TTC5: variants seen among roughly 807,000 people sequenced by gnomAD.
TTC5 encodes the protein tetratricopeptide repeat domain 5, also known as tetratricopeptide repeat protein 5.
Under a neutral mutation model 57.4 loss-of-function variants are expected in TTC5, and 46 were observed. The ratio of observed to expected loss-of-function variants is 0.80; its 90% CI spans 0.63 to 1.03. TTC5 has a LOEUF of 1.03. Among genes scored for constraint, TTC5 ranks in the 50% least tolerant of loss-of-function variants. TTC5 has a pLI of 0.00. For synonymous variants in TTC5, 190 were observed against 203.5 expected, an observed-to-expected ratio of 0.93 and a Z score of 0.57; for missense variants, 504 against 528.1, an observed-to-expected ratio of 0.95 and a Z score of 0.45.
At chr14:20,296,824 C>A (rs1219250889) in intron 5 of TTC5, among the ~76,000 whole-genome samples, 1 of 152,076 alleles carries the variant, frequency 6.6e-6, no homozygotes, top group Non-Finnish European at 1.5e-5. Flanking sequence ...ACCAGACTGG[C>A]CAACCTGGTG....
At chr14:20,297,171 C>A (rs369901644) in intron 5 of TTC5, among the ~76,000 whole-genome samples, 4 of 152,176 alleles carry the variant, frequency 2.6e-5, no homozygotes, top group East Asian at 1.9e-4. Context: ...CATGCGGAAT[C>A]ATGTTTCTAC....
chr14:20,289,180 A>G lies in TTC5; in HGVS notation c.*447T>C, dbSNP rs1208403700. 1 of 151,596 alleles carries G rather than the reference A, an allele frequency of 6.6e-6. No individual in the cohort carries two copies. The highest frequency in any genetic ancestry group is 2.4e-5 in the African/African-American group (1 of 41,204). The allele number at this position is 151,596 out of a possible 1,614,324, so 9.4% of individuals were successfully genotyped here. On this transcript the variant is annotated 3_prime_UTR_variant, in exon 10 of 10. Coordinates refer to ENST00000258821, the MANE Select transcript of TTC5 (RefSeq NM_138376.3). ...TAATTCTGTTCCAGCCCCAAAGAAG[A>G]GGAAGGACCTAAAGTTCAAAAATAA...
rs898805152 is a variant in TTC5, at chr14:20,287,013, G to C, written c.*2614C>G. On this transcript the variant is annotated 3_prime_UTR_variant, in exon 10 of 10. Transcript: ENST00000258821. ...TACCAAGCACAGAAGAGGATGGGGA[G>C]CATTGGGGTGACTCATCTATTGATA... is the stretch of plus-strand genomic sequence containing the variant. 6.6e-6 allele frequency: 1 copy of C among 152,198 alleles called. No homozygotes were observed. The highest frequency in any genetic ancestry group is 1.9e-4 in the East Asian group (1 of 5,206). 9.4% of individuals were successfully genotyped at this position (152,198 alleles called of 1,614,324 possible).
At chr14:20,297,913 C>G (rs1292927406) in intron 5 of TTC5, among the ~76,000 whole-genome samples, 1 of 152,032 alleles carries the variant, frequency 6.6e-6, no homozygotes, top group Non-Finnish European at 1.5e-5. Flanking sequence ...TCTAAAAGTT[C>G]CGTGATTGAA....
chr14:20,296,759 T>C (rs1195105467), intron 5 of TTC5, among the ~76,000 whole-genome samples: 1 of 152,176 alleles, frequency 6.6e-6, no homozygotes, highest in Non-Finnish European at 1.5e-5. Flanking sequence ...ACACCTGTAA[T>C]CCCAGCACTT....
At chr14:20,292,165 A>G (rs771646138) in intron 8 of TTC5, 38 bp from the exon 9 acceptor site, 86 of 1,439,236 alleles carry the variant, frequency 6.0e-5, no homozygotes, top group Non-Finnish European at 7.4e-5. Context: ...AGGAAAACAA[A>G]AAGGTATGTG....
rs1288842704 is a variant in TTC5, at chr14:20,287,172, T to C, written c.*2455A>G. 1 of 152,214 alleles carries C rather than the reference T, an allele frequency of 6.6e-6. No homozygotes were observed. The highest frequency in any genetic ancestry group is 1.5e-5 in the Non-Finnish European group (1 of 68,056). The allele number at this position is 152,214 out of a possible 1,614,324, so 9.4% of individuals were successfully genotyped here. A position where few individuals can be genotyped will look rare whatever the true frequency, so the allele number is the denominator to read the frequency against. ...TTAAACAGTGGTTCTCAAATTTTAC[T>C]GTGCATCAGAGTCACCTGGAGGGTT... On this transcript the variant is annotated 3_prime_UTR_variant, in exon 10 of 10. Transcript: ENST00000258821.
chr14:20,302,897 T>A (rs142089312), intron 1 of TTC5, among the ~76,000 whole-genome samples: 392 of 151,970 alleles, frequency 2.6e-3, no homozygotes, highest in African/African-American at 9.1e-3. Context: ...TTTTTTTTTT[T>A]CTTTTTTAAA....
chr14:20,304,881 G>GT (rs1882259136), intron 1 of TTC5, among the ~76,000 whole-genome samples: 2 of 152,270 alleles, frequency 1.3e-5, no homozygotes, highest in Admixed American at 6.5e-5. Context: ...ATCAATACAT[G>GT]TAAGTTGTTA....
At chr14:20,300,162 T>A (rs1206689946) in intron 3 of TTC5, among the ~76,000 whole-genome samples, 20,700 of 60,626 alleles carry the variant, frequency 0.34, 3,045 homozygotes, top group Non-Finnish European at 0.41. Flanking sequence ...TATATTTTTT[T>A]TTTTTTTTTT....
intron 8 of TTC5, chr14:20,293,684 T>A (rs544028011): frequency 1.3e-5 from 2 of 151,336 alleles, no homozygotes; most frequent in Non-Finnish European, 2.9e-5. Context: ...GATAAGGGGG[T>A]GAATTAAGGT....
chr14:20,297,426 T>C (rs1882088521), intron 5 of TTC5, among the ~76,000 whole-genome samples: 1 of 152,186 alleles, frequency 6.6e-6, no homozygotes, highest in African/African-American at 2.4e-5. Flanking sequence ...ATTGTTTAAA[T>C]GGTTGGTTCA....
Position 20,287,281 on chromosome 14 carries a change from A to G in TTC5, c.*2346T>C, listed in dbSNP as rs779676103. The G allele has an allele frequency of 2.0e-5, 3 of 152,212 alleles. No homozygotes were observed. The highest frequency in any genetic ancestry group is 7.2e-5 in the African/African-American group (3 of 41,456). 9.4% of individuals were successfully genotyped at this position (152,212 alleles called of 1,614,324 possible). A position where few individuals can be genotyped will look rare whatever the true frequency, so the allele number is the denominator to read the frequency against. On this transcript the variant is annotated 3_prime_UTR_variant, in exon 10 of 10. Transcript: ENST00000258821. ...AGGGGGCTTGAGAATTTGCATTTCA[A>G]AGAAGTTCCAAGGGATGCTGATGCT... is the stretch of plus-strand genomic sequence containing the variant.
At position 20,289,604 on chromosome 14, in the gene TTC5, C is replaced by A. The variant is rs1881911444; in HGVS notation, c.*23G>T. 6.2e-7 allele frequency: 1 copy of A among 1,605,364 alleles called. No individual in the cohort carries two copies. The highest frequency in any genetic ancestry group is 2.2e-5 in the East Asian group (1 of 44,836). ...AGCCTTGTCTCCTCTCCTCCACTCC[C>A]TGTTGAGCATGCAAGTCAAAGGTCA... is the stretch of plus-strand genomic sequence containing the variant. On this transcript the variant is annotated 3_prime_UTR_variant, in exon 10 of 10. Transcript: ENST00000258821.
At chr14:20,305,639 G>A (rs1882274891) in intron 1 of TTC5, 2 of 568,516 alleles carry the variant, frequency 3.5e-6, no homozygotes, top group Admixed American at 3.2e-5. Flanking sequence ...AAATGTACAT[G>A]AACAGTTAGG....
At chr14:20,297,712 G>A (rs993617434) in intron 5 of TTC5, among the ~76,000 whole-genome samples, 4 of 151,928 alleles carry the variant, frequency 2.6e-5, no homozygotes, top group African/African-American at 9.7e-5. Flanking sequence ...CACGGAGGTT[G>A]CAGTGAGCCG....
In TTC5 at chr14:20,295,144, T is replaced by C. The variant is rs535760936; in HGVS notation, c.1058+168A>G. The C allele has an allele frequency of 4.7e-6, 3 of 631,808 alleles. No individual in the cohort carries two copies. The East Asian group carries it at 8.3e-5, about 17-fold the overall frequency. 39.1% of individuals were successfully genotyped at this position (631,808 alleles called of 1,614,324 possible). On this transcript the variant is annotated intron_variant, in intron 8 of 9. Coordinates refer to ENST00000258821, the MANE Select transcript of TTC5 (RefSeq NM_138376.3). ...TCTACAAAAGCCTCTGATCAAAAGA[T>C]GGTTAAACATCACCCAGACAATATC...
At chr14:20,298,982 A>G in intron 4 of TTC5, 94 bp from the exon 5 acceptor site, 2 of 1,026,984 alleles carry the variant, frequency 1.9e-6, no homozygotes, top group Non-Finnish European at 2.9e-6. Context: ...GAAAGGTCCC[A>G]CAAGAAATCC....
chr14:20,302,501 A>G (rs1014551510), intron 1 of TTC5, among the ~76,000 whole-genome samples: 2 of 152,198 alleles, frequency 1.3e-5, no homozygotes, highest in African/African-American at 4.8e-5. Flanking sequence ...AAACATACCA[A>G]TTTGAACTTG....
Sources: gnomAD v4.1 joint callset for allele counts (sites outside exome capture counted in the v4.1 genomes callset) on GRCh38, gnomAD v4.1.1 for gene constraint, MANE v1.5 for transcripts, NCBI Gene and HGNC (gene_info 2026-07-23, HGNC 2026-07-21) for gene names.